The following RAB3IP variants were observed in gnomAD, a reference collection of about 807,000 sequenced individuals.
The protein encoded by RAB3IP is rab-3A-interacting protein.
In RAB3IP, 36 loss-of-function variants were observed where a neutral mutation model predicts 59.1. That is an observed-to-expected ratio of 0.61 (90% CI 0.47 to 0.80). RAB3IP has a LOEUF of 0.80. Ranked by LOEUF, RAB3IP falls within the 30% of genes least tolerant of loss-of-function variation. RAB3IP has a pLI of 0.00. For missense variants in RAB3IP, 511 were observed against 536.0 expected, an observed-to-expected ratio of 0.95 and a Z score of 0.46; for synonymous variants, 207 against 191.2, an observed-to-expected ratio of 1.08 and a Z score of -0.68.
At chr12:69,781,700 TGTTA>T (rs543481102) in intron 3 of RAB3IP, among the ~76,000 whole-genome samples, 5,090 of 152,288 alleles carry the variant, frequency 0.033, 107 homozygotes, top group Non-Finnish European at 0.048. Flanking sequence ...TTTCATGGCT[TGTTA>T]GTTCATTTTC....
intron 6 of RAB3IP, chr12:69,796,415 G>A: frequency 2.7e-6 from 1 of 368,168 alleles, no homozygotes; most frequent in Non-Finnish European, 4.8e-6. Flanking sequence ...ATTGTATACT[G>A]TGAGAATGCA....
intron 7 of RAB3IP, among the ~76,000 whole-genome samples, 184 bp downstream of exon 7, chr12:69,800,521 C>G (rs555241450): frequency 6.6e-6 from 1 of 152,222 alleles, no homozygotes; most frequent in South Asian, 2.1e-4. Context: ...TACTGAACAT[C>G]TTTTCTTATA....
rs1451886416 is a variant in RAB3IP, at chr12:69,804,476, T to C, written c.1130+2755T>C. Reference sequence around the variant, plus strand: ...TTCACTCTGATGGTGGTTTCTTTTGTTGTGCAGAAGCTCTTTAGTTTAATT... The same window carrying C: ...TTCACTCTGATGGTGGTTTCTTTTGCTGTGCAGAAGCTCTTTAGTTTAATT... On this transcript the variant is annotated intron_variant, in intron 8 of 10. Coordinates refer to ENST00000247833, the MANE Select transcript of RAB3IP (RefSeq NM_022456.5). 4.3e-4 allele frequency among the ~76,000 whole-genome samples: 65 copies of C among 152,154 alleles called. 1 individual carries two copies. The highest frequency in any genetic ancestry group is 1.5e-3 in the African/African-American group (61 of 41,442).
rs535242902 is a variant in RAB3IP, at chr12:69,817,274, A to G, written c.*1828A>G. The G allele has an allele frequency of 2.0e-5, 3 of 152,306 alleles. No homozygotes were observed. Among genetic ancestry groups the G allele is most frequent in the Non-Finnish European group, 4.4e-5 (3 of 68,030 alleles). The allele number at this position is 152,306 out of a possible 1,614,324, so 9.4% of individuals were successfully genotyped here. ...TCTATAAGGGGAAGAATGCTTTTCA[A>G]CCTTATACACTAGAAGCATGCTCTT... On this transcript the variant is annotated 3_prime_UTR_variant, in exon 11 of 11. Transcript: ENST00000247833.
chr12:69,747,536 C>A (rs1318959186), intron 1 of RAB3IP, among the ~76,000 whole-genome samples: 1 of 152,138 alleles, frequency 6.6e-6, no homozygotes, highest in Admixed American at 6.5e-5. Flanking sequence ...ACATCTTGGG[C>A]ACAAGCAACC....
chr12:69,744,216 ATGAG>A (rs1486229252), intron 1 of RAB3IP, among the ~76,000 whole-genome samples: 1 of 151,932 alleles, frequency 6.6e-6, no homozygotes, highest in East Asian at 1.9e-4. Context: ...TCTCCCACTT[ATGAG>A]TGAGAACATG....
intron 4 of RAB3IP, among the ~76,000 whole-genome samples, chr12:69,786,812 TGAAAAAGCATATC>T (rs1875742868): frequency 2.0e-5 from 3 of 151,758 alleles, no homozygotes; most frequent in African/African-American, 4.8e-5. Flanking sequence ...AGGCAATAAG[TGAAAAAGCATATC>T]TAAAAAATAT....
At position 69,742,475 on chromosome 12, in the gene RAB3IP, T is replaced by C. The variant is rs562141039; in HGVS notation, c.-26+3444T>C. On this transcript the variant is annotated intron_variant, in intron 1 of 10. Coordinates refer to ENST00000247833, the MANE Select transcript of RAB3IP (RefSeq NM_022456.5). Reference sequence around the variant, plus strand: ...CCTCTTTTTTGGTATTTATGAACTTTGATATTTGTGTTGTATTTGTAATTG... The same window carrying C: ...CCTCTTTTTTGGTATTTATGAACTTCGATATTTGTGTTGTATTTGTAATTG... Among the ~76,000 whole-genome samples, 27 of 152,320 alleles carry C rather than the reference T, an allele frequency of 1.8e-4. No homozygotes were observed. In the South Asian group the frequency reaches 5.6e-3, roughly 32 times the overall value.
At chr12:69,761,828 A>G (rs60020224) in intron 3 of RAB3IP, among the ~76,000 whole-genome samples, 1,557 of 152,318 alleles carry the variant, frequency 0.01, 22 homozygotes, top group African/African-American at 0.035. Flanking sequence ...ATTTTTATTC[A>G]TTTAACACTC....
chr12:69,803,283 A>G (rs1337863975), intron 8 of RAB3IP, among the ~76,000 whole-genome samples: 1 of 152,092 alleles, frequency 6.6e-6, no homozygotes, highest in African/African-American at 2.4e-5. Context: ...AAGGTGATGC[A>G]TATCGTGGAA....
intron 3 of RAB3IP, among the ~76,000 whole-genome samples, chr12:69,761,838 C>T (rs1244381130): frequency 6.6e-6 from 1 of 152,164 alleles, no homozygotes; most frequent in Non-Finnish European, 1.5e-5. Context: ...ATTTAACACT[C>T]TGAAGCAGAT....
At chr12:69,767,793 C>G (rs1872471361) in intron 3 of RAB3IP, among the ~76,000 whole-genome samples, 1 of 151,478 alleles carries the variant, frequency 6.6e-6, no homozygotes, top group Non-Finnish European at 1.5e-5. Flanking sequence ...CAGAACCTGC[C>G]TGCCCCAGGA....
chr12:69,799,127 T>C (rs558159358), intron 6 of RAB3IP, among the ~76,000 whole-genome samples: 1 of 152,308 alleles, frequency 6.6e-6, no homozygotes, highest in South Asian at 2.1e-4. Context: ...CTGAAAAAAA[T>C]ATTCACATGG....
At chr12:69,782,521 A>C (rs1222957585) in intron 3 of RAB3IP, among the ~76,000 whole-genome samples, 1 of 149,432 alleles carries the variant, frequency 6.7e-6, no homozygotes, top group South Asian at 2.1e-4. Context: ...ATCATTTCAC[A>C]TGCTTGTTTG....
chr12:69,794,358 C>A, intron 4 of RAB3IP, 79 bp from the exon 5 acceptor site: 1 of 1,161,060 alleles, frequency 8.6e-7, no homozygotes, highest in Non-Finnish European at 1.3e-6. Flanking sequence ...ATCTTTGCTT[C>A]AATTGTAAAC....
chr12:69,749,289 T>A (rs1440984199), intron 1 of RAB3IP, among the ~76,000 whole-genome samples: 1 of 152,198 alleles, frequency 6.6e-6, no homozygotes, highest in Non-Finnish European at 1.5e-5. Flanking sequence ...GGTTGCATGC[T>A]TCTTAAGAGA....
Position 69,812,875 on chromosome 12 carries a change from AG to A in RAB3IP, c.1230+1del, listed in dbSNP as rs36048105. On this transcript the variant is annotated frameshift_variant and splice_region_variant, in exon 9 of 11. Coordinates refer to ENST00000247833, the MANE Select transcript of RAB3IP (RefSeq NM_022456.5). LOFTEE classifies it high-confidence loss of function. ...TTATATTTCTCCTTTTTGCAGATACAGGGTAAGTGACTTAACCATGAATTTT... is the reference window on the plus strand; with the variant it reads ...TTATATTTCTCCTTTTTGCAGATACAGGTAAGTGACTTAACCATGAATTTT... ...YYYISPFCRY[R>X]ITSVCNFFTY... 6.2e-7 allele frequency: 1 copy of A among 1,607,668 alleles called. No individual in the cohort carries two copies. Among genetic ancestry groups the A allele is most frequent in the East Asian group, 2.2e-5 (1 of 44,832 alleles).
intron 3 of RAB3IP, among the ~76,000 whole-genome samples, chr12:69,763,751 G>A (rs1871747750): frequency 1.3e-5 from 2 of 152,000 alleles, no homozygotes; most frequent in Non-Finnish European, 2.9e-5. Flanking sequence ...TAGTTTGTCA[G>A]CCCTTGTCCC....
chr12:69,801,127 A>C (rs1228377961), intron 7 of RAB3IP, among the ~76,000 whole-genome samples: 1 of 152,224 alleles, frequency 6.6e-6, no homozygotes, highest in Non-Finnish European at 1.5e-5. Flanking sequence ...TACCGTCTTC[A>C]TCTGGGCATT....
Sources: allele counts gnomAD v4.1 joint callset (sites outside exome capture counted in the v4.1 genomes callset), GRCh38; gene constraint gnomAD v4.1.1; transcripts MANE v1.5; gene names NCBI Gene and HGNC (gene_info 2026-07-23, HGNC 2026-07-21).